The following ATP2B4 variants were observed in gnomAD, a reference collection of about 807,000 sequenced individuals.
ATP2B4 encodes the protein plasma membrane calcium-transporting ATPase 4.
ATP2B4 carries 39 observed loss-of-function variants against 110.3 expected under a neutral mutation model. The observed-to-expected ratio is 0.35, with a 90% CI of 0.27 to 0.46. The LOEUF (loss-of-function observed/expected upper bound fraction) is 0.46. ATP2B4 is among the 20% of genes least tolerant of loss of function. ATP2B4 has a pLI of 1.00. For synonymous variants in ATP2B4, 538 were observed against 571.7 expected, an observed-to-expected ratio of 0.94 and a Z score of 0.84; for missense variants, 1,135 against 1,530.9, an observed-to-expected ratio of 0.74 and a Z score of 4.32.
intron 20 of ATP2B4, chr1:203,728,270 C>A (rs1469429687): frequency 2.2e-6 from 1 of 451,316 alleles, no homozygotes; most frequent in Non-Finnish European, 4.5e-6. Context: ...CTCTTATGTC[C>A]CCTGTCTATA....
rs796292732 is a variant in ATP2B4, at chr1:203,715,648, CTATA to C, written c.2406+1375_2406+1378del. ...TAAATAATAATTATATATCAATAAT[CTATA>C]TATCTAAAAGAATCTTAATACCATT... On this transcript the variant is annotated intron_variant, in intron 15 of 20. Coordinates refer to ENST00000357681, the MANE Select transcript of ATP2B4 (RefSeq NM_001684.5). Among the ~76,000 whole-genome samples the C allele has an allele frequency of 4.2e-5, 6 of 144,152 alleles. 1 individual carries two copies. The highest frequency in any genetic ancestry group is 1.5e-4 in the African/African-American group (6 of 39,574). 94.6% of individuals were successfully genotyped at this position (144,152 alleles called of 152,430 possible).
At chr1:203,724,641 A>G (rs1289443503) in intron 19 of ATP2B4, among the ~76,000 whole-genome samples, 1 of 152,070 alleles carries the variant, frequency 6.6e-6, no homozygotes, top group Non-Finnish European at 1.5e-5. Context: ...TTTACAAGAC[A>G]CATGTCTTTA....
At chr1:203,688,579 G>A (rs572966991) in intron 2 of ATP2B4, among the ~76,000 whole-genome samples, 1 of 152,246 alleles carries the variant, frequency 6.6e-6, no homozygotes, top group African/African-American at 2.4e-5. Context: ...TAGGATTACA[G>A]GCATGAGCCC....
rs925888084 is a variant in ATP2B4 at position 203,672,272 on chromosome 1, G to A, written c.-464-10470G>A. On this transcript the variant is annotated intron_variant, in intron 1 of 20. Transcript: ENST00000357681. The stretch of plus-strand genomic sequence containing the variant: ...CTTCCCCTTCCTGGCTCAAGTCATA[G>A]GCTCTATTTTCTGGCTATCCTGTTT... 2.0e-5 allele frequency among the ~76,000 whole-genome samples: 3 copies of A among 146,558 alleles called. No individual in the cohort carries two copies. In the East Asian group the frequency reaches 6.5e-4, roughly 32 times the overall value.
At chr1:203,728,119 G>A (rs1666577843) in intron 20 of ATP2B4, 1 of 439,728 alleles carries the variant, frequency 2.3e-6, no homozygotes, top group Non-Finnish European at 4.7e-6. Flanking sequence ...GGTTTCATGT[G>A]TAAAAATGAC....
chr1:203,704,449 T>C (rs1295784230), intron 8 of ATP2B4, among the ~76,000 whole-genome samples: 1 of 147,114 alleles, frequency 6.8e-6, no homozygotes, highest in Admixed American at 6.7e-5. Flanking sequence ...TTAGTGGACA[T>C]ATCTCTCAAG....
At chr1:203,711,323 A>T (rs1160454607) in intron 12 of ATP2B4, among the ~76,000 whole-genome samples, 1 of 152,158 alleles carries the variant, frequency 6.6e-6, no homozygotes, top group Non-Finnish European at 1.5e-5. Flanking sequence ...CAAAGGGCTT[A>T]TTGGGCTCAT....
intron 7 of ATP2B4, 105 bp from the exon 8 acceptor site, chr1:203,703,547 G>A (rs1336096502): frequency 3.0e-6 from 4 of 1,342,666 alleles, no homozygotes; most frequent in African/African-American, 1.5e-5. Flanking sequence ...AGGGTCCAAG[G>A]TATATTCCGG....
At chr1:203,727,074 AT>A (rs1448604299) in intron 19 of ATP2B4, among the ~76,000 whole-genome samples, 1 of 152,202 alleles carries the variant, frequency 6.6e-6, no homozygotes, top group Non-Finnish European at 1.5e-5. Context: ...TAAAAGACAG[AT>A]TGCAAAATGG....
chr1:203,706,064 G>C (rs1371037683), intron 8 of ATP2B4, among the ~76,000 whole-genome samples: 5 of 152,148 alleles, frequency 3.3e-5, no homozygotes, highest in Non-Finnish European at 7.4e-5. Context: ...GCCACAGTTA[G>C]GGACAGTTGT....
chr1:203,722,609 C>T lies in ATP2B4; in HGVS notation c.2944C>T (p.His982Tyr). Reference protein sequence around the residue: ...LFNEINSRKIHGEKNVFSGIY... With the variant: ...LFNEINSRKIYGEKNVFSGIY... The stretch of plus-strand genomic sequence containing the variant: ...CAATGAAATCAACTCCCGAAAGATC[C>T]ATGGAGAGAAGAACGTCTTTTCAGG... Residue 982 changes from histidine to tyrosine, a missense_variant, in exon 18 of 21, where the codon CAT (histidine) becomes TAT (tyrosine). Coordinates refer to ENST00000357681, the MANE Select transcript of ATP2B4 (RefSeq NM_001684.5). 6.2e-7 allele frequency: 1 copy of T among 1,614,162 alleles called. No homozygotes were observed. Among genetic ancestry groups the T allele is most frequent in the South Asian group, 1.1e-5 (1 of 91,076 alleles).
intron 16 of ATP2B4, 44 bp from the exon 17 acceptor site, chr1:203,721,153 G>T: frequency 6.2e-7 from 1 of 1,602,728 alleles, no homozygotes; most frequent in Non-Finnish European, 8.5e-7. Flanking sequence ...AAGGTGGGCT[G>T]GTTTCAGAGA....
At position 203,741,531 on chromosome 1, in the gene ATP2B4, C is replaced by A. The variant is rs1666996639; in HGVS notation, c.*1677C>A. On this transcript the variant is annotated 3_prime_UTR_variant, in exon 21 of 21. Coordinates refer to ENST00000357681, the MANE Select transcript of ATP2B4 (RefSeq NM_001684.5). ...TCCCATTAGATAAATGAAGCCCACC[C>A]CCCTTTCTAGAGTGATGAGAGTCAA... 6.6e-6 allele frequency: 1 copy of A among 152,356 alleles called. No homozygotes were observed. Among genetic ancestry groups the A allele is most frequent in the Non-Finnish European group, 1.5e-5 (1 of 68,042 alleles). 9.4% of individuals were successfully genotyped at this position (152,356 alleles called of 1,614,324 possible).
At position 203,713,321 on chromosome 1, in the gene ATP2B4, C is replaced by T; in HGVS notation, c.2299+69C>T. On this transcript the variant is annotated intron_variant, in intron 14 of 20. Coordinates refer to ENST00000357681, the MANE Select transcript of ATP2B4 (RefSeq NM_001684.5). ...GGCCAGGGCGAGGACAGATAAGAAC[C>T]ACCAGCCAAAGCCACTCTCCTGTCC... 9 of 1,575,966 alleles carry T rather than the reference C, an allele frequency of 5.7e-6. No homozygotes were observed. The South Asian group carries it at 7.8e-5, about 14-fold the overall frequency.
intron 2 of ATP2B4, among the ~76,000 whole-genome samples, chr1:203,692,175 C>T (rs886452850): frequency 5.4e-5 from 8 of 148,970 alleles, no homozygotes; most frequent in South Asian, 2.1e-4. Context: ...CCACCACACC[C>T]GGCCTTTTTT....
intron 19 of ATP2B4, among the ~76,000 whole-genome samples, chr1:203,726,534 G>A (rs771076322): frequency 2.0e-5 from 3 of 151,766 alleles, no homozygotes; most frequent in Non-Finnish European, 4.4e-5. Flanking sequence ...CCTCACATGT[G>A]GCCATGTGGC....
At chr1:203,697,322 G>T (rs1036881262) in intron 2 of ATP2B4, among the ~76,000 whole-genome samples, 2 of 152,238 alleles carry the variant, frequency 1.3e-5, no homozygotes, top group Non-Finnish European at 2.9e-5. Context: ...ATGACCTTGA[G>T]CAAGGAGCTT....
chr1:203,739,227 T>C (rs1486883687), intron 20 of ATP2B4, among the ~76,000 whole-genome samples: 1 of 152,166 alleles, frequency 6.6e-6, no homozygotes, highest in African/African-American at 2.4e-5. Flanking sequence ...TAATGAAACT[T>C]CTTGTTTTCT....
rs1388214004 is a variant in ATP2B4 at position 203,741,168 on chromosome 1, T to C, written c.*1314T>C. 5.9e-5 allele frequency: 9 copies of C among 152,570 alleles called. No homozygotes were observed. Among genetic ancestry groups the C allele is most frequent in the Admixed American group, 5.9e-4 (9 of 15,280 alleles). The allele number at this position is 152,570 out of a possible 1,614,324, so 9.5% of individuals were successfully genotyped here. ...CCCAGCCTTTCTCAAATATTCTGAT[T>C]TTGAAAATATGTATCCAAAGTGGGA... On this transcript the variant is annotated 3_prime_UTR_variant, in exon 21 of 21. Transcript: ENST00000357681.
Sources: allele counts gnomAD v4.1 joint callset (sites outside exome capture counted in the v4.1 genomes callset), GRCh38; gene constraint gnomAD v4.1.1; transcripts MANE v1.5; gene names NCBI Gene and HGNC (gene_info 2026-07-23, HGNC 2026-07-21).